SLC25A51: variants seen among roughly 807,000 people sequenced by gnomAD.
The protein encoded by SLC25A51 is mitochondrial nicotinamide adenine dinucleotide transporter SLC25A51.
In SLC25A51, 11 loss-of-function variants were observed where a neutral mutation model predicts 19.1. The observed-to-expected ratio is 0.58, with a 90% CI of 0.36 to 0.96. The LOEUF (loss-of-function observed/expected upper bound fraction) is 0.96, where lower values mean the gene tolerates loss of function less well. Ranked by LOEUF, SLC25A51 falls within the 40% of genes least tolerant of loss-of-function variation. SLC25A51 has a pLI of 0.01. For synonymous variants in SLC25A51, 105 were observed against 133.6 expected, an observed-to-expected ratio of 0.79 and a Z score of 1.47; for missense variants, 201 against 365.4, an observed-to-expected ratio of 0.55 and a Z score of 3.67.
downstream of SLC25A51, among the ~76,000 whole-genome samples, chr9:37,882,689 T>C (rs117001102): frequency 1.3e-4 from 20 of 152,306 alleles, no homozygotes; most frequent in East Asian, 2.1e-3. Flanking sequence ...CCACTCTCAG[T>C]GTGTTCAATA....
intron 1 of SLC25A51, among the ~76,000 whole-genome samples, chr9:37,901,426 C>T (rs1301184462): frequency 6.6e-6 from 1 of 152,204 alleles, no homozygotes; most frequent in Non-Finnish European, 1.5e-5. Context: ...GCCTTGGCCT[C>T]CCAAAGTGCT....
chr9:37,890,774 G>C (rs1831565807), intron 2 of SLC25A51, among the ~76,000 whole-genome samples: 1 of 151,786 alleles, frequency 6.6e-6, no homozygotes, highest in African/African-American at 2.4e-5. Context: ...CAGTCTCAAA[G>C]ACCTTGTACA....
chr9:37,883,923 C>T (rs924947117), downstream of SLC25A51, among the ~76,000 whole-genome samples: 3 of 152,172 alleles, frequency 2.0e-5, no homozygotes, highest in Non-Finnish European at 4.4e-5. Flanking sequence ...TACGCTTCAT[C>T]CTTTACAGCT....
chr9:37,899,174 C>G (rs753816438), intron 2 of SLC25A51, among the ~76,000 whole-genome samples: 1 of 152,170 alleles, frequency 6.6e-6, no homozygotes, highest in South Asian at 2.1e-4. Flanking sequence ...TCAACAAGGG[C>G]AAGCTATTTT....
Position 37,888,146 on chromosome 9 carries a change from G to A in SLC25A51, c.405C>T (p.Phe135=). The A allele has an allele frequency of 6.2e-7, 1 of 1,613,978 alleles. No homozygotes were observed. The highest frequency in any genetic ancestry group is 8.5e-7 in the Non-Finnish European group (1 of 1,179,880). Residue 135 remains phenylalanine, a synonymous_variant, in exon 3 of 3, where the codon TTC becomes TTT. Coordinates refer to ENST00000242275, the MANE Select transcript of SLC25A51 (RefSeq NM_033412.4). ...ATGTCTGAACTCTTTCCAGTGGAGT[G>A]AAAATTGCTTCTGTTGTCCCTGCAA... ...AVLAGTTEAI[F]TPLERVQTLL...
In SLC25A51 at chr9:37,903,638, G is replaced by A. The variant is rs143866247; in HGVS notation, c.-165+430C>T. On this transcript the variant is annotated intron_variant, in intron 1 of 2. Transcript: ENST00000242275. Reference sequence around the variant, plus strand: ...ACACTTCACAGTCAGGGGTCCCGAGGTGAGGCCGAAATCCCAGTCTCCCGG... The same window carrying A: ...ACACTTCACAGTCAGGGGTCCCGAGATGAGGCCGAAATCCCAGTCTCCCGG... 2.0e-5 allele frequency: 3 copies of A among 152,434 alleles called. No individual in the cohort carries two copies. The East Asian group carries it at 5.8e-4, about 29-fold the overall frequency. The allele number at this position is 152,434 out of a possible 1,614,324, so 9.4% of individuals were successfully genotyped here.
downstream of SLC25A51, among the ~76,000 whole-genome samples, chr9:37,886,587 C>G (rs781594388): frequency 6.6e-6 from 1 of 152,146 alleles, no homozygotes; most frequent in Non-Finnish European, 1.5e-5. Flanking sequence ...CTGTGGCCAA[C>G]TGTTGCACTG....
chr9:37,889,005 G>A (rs1406741473), intron 2 of SLC25A51, among the ~76,000 whole-genome samples: 3 of 152,162 alleles, frequency 2.0e-5, no homozygotes, highest in Admixed American at 6.5e-5. Flanking sequence ...AACATGTAAT[G>A]TGTTTATCAT....
At chr9:37,886,416 C>T, downstream of SLC25A51, 2 of 1,562,038 alleles carry the variant, frequency 1.3e-6, no homozygotes, top group Non-Finnish European at 8.6e-7. Context: ...AGTGCTTCCT[C>T]TCCTGTCAAT....
intron 1 of SLC25A51, among the ~76,000 whole-genome samples, chr9:37,902,771 G>C (rs755152402): frequency 1.4e-4 from 22 of 152,206 alleles, no homozygotes; most frequent in Non-Finnish European, 2.6e-4. Flanking sequence ...CAAGTGTCAA[G>C]CTTCTGTGAC....
chr9:37,895,769 C>G (rs1218686652), intron 2 of SLC25A51, among the ~76,000 whole-genome samples: 2 of 151,346 alleles, frequency 1.3e-5, no homozygotes, highest in East Asian at 3.9e-4. Context: ...CTCCTAAGGT[C>G]TTCATTACTC....
chr9:37,891,097 C>T (rs1195095323), intron 2 of SLC25A51, among the ~76,000 whole-genome samples: 1 of 152,220 alleles, frequency 6.6e-6, no homozygotes, highest in Non-Finnish European at 1.5e-5. Context: ...TCTGCCAGAG[C>T]CACCAATGTG....
At chr9:37,886,587 CTG>C (rs557111772), downstream of SLC25A51, among the ~76,000 whole-genome samples, 432 of 152,258 alleles carry the variant, frequency 2.8e-3, 4 homozygotes, top group Middle Eastern at 0.01. Flanking sequence ...CTGTGGCCAA[CTG>C]TTGCACTGGA....
At chr9:37,879,739 GAC>G (rs1433908770) in exon 4 of SLC25A51, 2 of 152,242 alleles carry the variant, frequency 1.3e-5, no homozygotes, top group African/African-American at 4.8e-5. Flanking sequence ...CCAAGGAAGT[GAC>G]ACTTCAACCG....
At chr9:37,878,397 T>C (rs554111812), downstream of SLC25A51, 36 of 180,376 alleles carry the variant, frequency 2.0e-4, no homozygotes, top group South Asian at 5.1e-3. Flanking sequence ...TCCAACTGAA[T>C]GGTTTGCAGA....
chr9:37,885,836 AC>A (rs565925513), downstream of SLC25A51: 478 of 1,604,470 alleles, frequency 3.0e-4, 1 homozygote, highest in African/African-American at 5.3e-3. Flanking sequence ...GCATGGGCCT[AC>A]TTTACATCAC....
intron 2 of SLC25A51, among the ~76,000 whole-genome samples, chr9:37,881,889 A>C (rs1831355849): frequency 6.6e-6 from 1 of 152,230 alleles, no homozygotes; most frequent in Non-Finnish European, 1.5e-5. Context: ...AAGACCAAAA[A>C]GAGTGGGCTT....
intron 2 of SLC25A51, among the ~76,000 whole-genome samples, chr9:37,898,826 G>C (rs1023232398): frequency 6.6e-6 from 1 of 152,180 alleles, no homozygotes; most frequent in African/African-American, 2.4e-5. Flanking sequence ...ATTTATTATT[G>C]TTGTACTGAA....
chr9:37,887,806 A>C lies in SLC25A51; in HGVS notation c.745T>G (p.Ser249Ala). 1 of 1,613,642 alleles carries C rather than the reference A, an allele frequency of 6.2e-7. No homozygotes were observed. The highest frequency in any genetic ancestry group is 8.5e-7 in the Non-Finnish European group (1 of 1,179,862). ...ATTTTTTGGAAAACCTTGGGGAAAGACTGAAATTCCCCACCAATCTGAGAC... is the reference window on the plus strand; with the variant it reads ...ATTTTTTGGAAAACCTTGGGGAAAGCCTGAAATTCCCCACCAATCTGAGAC... ...IQSQIGGEFQ[S>A]FPKVFQKIWL... The change falls in exon 3 of 3, where the codon TCT (serine) becomes GCT (alanine). Residue 249 changes from serine to alanine, a missense_variant. By Grantham distance (99) the Ser-to-Ala change is moderately conservative. Coordinates refer to ENST00000242275, the MANE Select transcript of SLC25A51 (RefSeq NM_033412.4).
Sources: allele counts gnomAD v4.1 joint callset (sites outside exome capture counted in the v4.1 genomes callset), GRCh38; gene constraint gnomAD v4.1.1; transcripts MANE v1.5; gene names NCBI Gene and HGNC (gene_info 2026-07-23, HGNC 2026-07-21).